UBE3D: variants seen among roughly 807,000 people sequenced by gnomAD.
UBE3D encodes the protein E3 ubiquitin-protein ligase E3D.
A neutral mutation model predicts 49.6 loss-of-function variants in UBE3D; 48 were observed. The ratio of observed to expected loss-of-function variants is 0.97; its 90% confidence interval spans 0.77 to 1.23. The LOEUF (loss-of-function observed/expected upper bound fraction) is 1.23, where lower values mean the gene tolerates loss of function less well. UBE3D is among the 50% of genes most tolerant of loss of function. The probability of loss-of-function intolerance (pLI) is 0.00; values close to 1 mark genes in which losing one functional copy is unlikely to be tolerated. For missense variants in UBE3D, 452 were observed against 468.4 expected (o/e 0.96, Z 0.32); for synonymous variants, 189 against 174.2 (o/e 1.08, Z -0.67).
intron 2 of UBE3D, among the ~76,000 whole-genome samples, chr6:83,057,371 C>A (rs768489938): frequency 1.1e-4 from 6 of 54,956 alleles, no homozygotes; most frequent in Non-Finnish European, 1.8e-4. Flanking sequence ...AGAGCAGACA[C>A]CTCCCCTACC....
At chr6:82,930,933 A>C (rs1774096346) in intron 9 of UBE3D, among the ~76,000 whole-genome samples, 1 of 152,236 alleles carries the variant, frequency 6.6e-6, no homozygotes, top group Non-Finnish European at 1.5e-5. Flanking sequence ...TCTCTAGGGC[A>C]TGTCAGAGAC....
At chr6:82,932,779 T>C (rs1350716176) in intron 9 of UBE3D, 1 of 152,230 alleles carries the variant, frequency 6.6e-6, no homozygotes, top group Non-Finnish European at 1.5e-5. Context: ...AGTTGTTTTT[T>C]GTTTTTAGTT....
At chr6:82,977,959 C>T (rs768725595) in intron 8 of UBE3D, among the ~76,000 whole-genome samples, 3 of 152,120 alleles carry the variant, frequency 2.0e-5, no homozygotes, top group Non-Finnish European at 4.4e-5. Context: ...TTCAAGATTA[C>T]AAAACTTTTC....
chr6:82,893,017 A>G lies in UBE3D; in HGVS notation c.*5T>C, dbSNP rs770555503. ...CCGGGGGAGGAGAATGCCCAGCTCT[A>G]ATAGTTACATCTTCAAAAAGGCCAC... On this transcript the variant is annotated 3_prime_UTR_variant, in exon 10 of 10. Transcript: ENST00000369747. The G allele has an allele frequency of 6.2e-7, 1 of 1,613,790 alleles. No individual in the cohort carries two copies. Among genetic ancestry groups the G allele is most frequent in the Admixed American group, 1.7e-5 (1 of 60,012 alleles).
intron 3 of UBE3D, among the ~76,000 whole-genome samples, chr6:83,047,834 G>C (rs1187735938): frequency 1.3e-5 from 2 of 152,002 alleles, no homozygotes; most frequent in African/African-American, 2.4e-5. Context: ...TGTAATCCCA[G>C]CACTTTGGGA....
intron 9 of UBE3D, among the ~76,000 whole-genome samples, chr6:82,929,366 CT>C (rs144321220): frequency 0.017 from 2,570 of 152,168 alleles, 34 homozygotes; most frequent in Non-Finnish European, 0.025. Flanking sequence ...TTTTGCTAAG[CT>C]TTTTTGACAA....
rs182317779 is a variant in UBE3D at position 83,031,568 on chromosome 6, T to G, written c.667+6848A>C. 1.3e-4 allele frequency among the ~76,000 whole-genome samples: 20 copies of G among 152,342 alleles called. No individual in the cohort carries two copies. In the East Asian group the frequency reaches 3.9e-3, roughly 29 times the overall value. ...TCATTTTGGAGCTTTAAGATTTGAC[T>G]GCTTTGCTGGATTTCGGACTTCCAT... On this transcript the variant is annotated intron_variant, in intron 5 of 9. Transcript: ENST00000369747.
At chr6:82,933,128 G>A (rs1031286375) in intron 9 of UBE3D, among the ~76,000 whole-genome samples, 1 of 152,130 alleles carries the variant, frequency 6.6e-6, no homozygotes, top group Non-Finnish European at 1.5e-5. Flanking sequence ...CTGATAAAAG[G>A]CATCACCTTC....
At chr6:82,899,590 A>T (rs1191805622) in intron 9 of UBE3D, among the ~76,000 whole-genome samples, 1 of 152,170 alleles carries the variant, frequency 6.6e-6, no homozygotes, top group African/African-American at 2.4e-5. Context: ...ACTTTAAGAG[A>T]TGTGTATGTG....
chr6:82,929,139 A>G (rs1056901716), intron 9 of UBE3D, among the ~76,000 whole-genome samples: 5 of 152,074 alleles, frequency 3.3e-5, no homozygotes, highest in Non-Finnish European at 5.9e-5. Flanking sequence ...AACATAAGAT[A>G]TCCATCCAGT....
At chr6:82,978,779 T>C (rs1361680695) in intron 8 of UBE3D, among the ~76,000 whole-genome samples, 2 of 152,222 alleles carry the variant, frequency 1.3e-5, no homozygotes, top group Non-Finnish European at 2.9e-5. Context: ...ATCCGTATGT[T>C]TAAACAGCAT....
chr6:83,065,768 C>G lies in UBE3D; in HGVS notation c.-50G>C, dbSNP rs755634798. ...ACCAAGCTGGAGGTTCCGAGGGGCC[C>G]GGGTCAACAGGACCAGGAGAGGTTC... On this transcript the variant is annotated 5_prime_UTR_variant, in exon 1 of 10. Transcript: ENST00000369747. The G allele has an allele frequency of 1.9e-6, 3 of 1,553,290 alleles. No homozygotes were observed. The highest frequency in any genetic ancestry group is 3.7e-5 in the Admixed American group (2 of 53,880).
intron 8 of UBE3D, among the ~76,000 whole-genome samples, chr6:83,010,342 T>C (rs1780252778): frequency 6.6e-6 from 1 of 152,134 alleles, no homozygotes; most frequent in Non-Finnish European, 1.5e-5. Context: ...TAAATGTGAA[T>C]AATTAAATTC....
chr6:82,917,220 G>A (rs1772982621), intron 9 of UBE3D, among the ~76,000 whole-genome samples: 2 of 152,122 alleles, frequency 1.3e-5, no homozygotes, highest in South Asian at 4.1e-4. Flanking sequence ...GAAGAAAGAA[G>A]GAAGGGAAGA....
At chr6:82,952,838 A>G (rs918495917) in intron 9 of UBE3D, among the ~76,000 whole-genome samples, 1 of 152,180 alleles carries the variant, frequency 6.6e-6, no homozygotes, top group African/African-American at 2.4e-5. Flanking sequence ...TCAACTTAAC[A>G]TTCTTGGGTA....
intron 8 of UBE3D, among the ~76,000 whole-genome samples, chr6:82,962,422 T>C (rs1456408045): frequency 2.0e-5 from 3 of 152,208 alleles, no homozygotes; most frequent in African/African-American, 7.2e-5. Context: ...GGAGCCTAAT[T>C]TCCTCACAGG....
chr6:82,960,949 T>A (rs778501971), intron 8 of UBE3D, among the ~76,000 whole-genome samples: 7 of 152,172 alleles, frequency 4.6e-5, no homozygotes, highest in East Asian at 3.9e-4. Context: ...TGAATTTTTT[T>A]AAAAAGTGTG....
At chr6:82,882,060 T>A in the UBE3D span, among the ~76,000 whole-genome samples, 26,121 of 152,090 alleles carry the variant, frequency 0.17, 2,738 homozygotes, top group Admixed American at 0.37. Context: ...AGGAACCGAT[T>A]CCCTACTGTT....
At chr6:82,999,777 C>G (rs536560345) in intron 8 of UBE3D, among the ~76,000 whole-genome samples, 5 of 152,150 alleles carry the variant, frequency 3.3e-5, no homozygotes, top group Admixed American at 6.5e-5. Flanking sequence ...TTCTGCCGTT[C>G]ACAGCCAAAC....
Sources: allele counts gnomAD v4.1 joint callset (sites outside exome capture counted in the v4.1 genomes callset), GRCh38; gene constraint gnomAD v4.1.1; transcripts MANE v1.5; gene names NCBI Gene and HGNC (gene_info 2026-07-23, HGNC 2026-07-21).